Variants in DDX60 observed in about 807,000 individuals in gnomAD.
DDX60 encodes probable ATP-dependent RNA helicase DDX60.
DDX60 carries 165 observed loss-of-function variants against 212.8 expected under a neutral mutation model. The ratio of observed to expected loss-of-function variants is 0.78; its 90% confidence interval spans 0.68 to 0.88. The LOEUF (loss-of-function observed/expected upper bound fraction) is 0.88, where lower values mean the gene tolerates loss of function less well. DDX60 is among the 40% of genes least tolerant of loss of function. DDX60 has a pLI of 0.00. For missense variants in DDX60, 1,905 were observed against 2,003.9 expected (o/e 0.95, Z 0.94); for synonymous variants, 703 against 685.3 (o/e 1.03, Z -0.40).
chr4:168,292,694 G>C (rs538558011), intron 7 of DDX60, among the ~76,000 whole-genome samples: 2 of 152,302 alleles, frequency 1.3e-5, no homozygotes, highest in Non-Finnish European at 2.9e-5. Context: ...CACGGGTAAA[G>C]AAGTGGACAC....
intron 22 of DDX60, among the ~76,000 whole-genome samples, 173 bp downstream of exon 22, chr4:168,267,409 A>G (rs1020868507): frequency 2.0e-5 from 3 of 152,216 alleles, no homozygotes; most frequent in Non-Finnish European, 2.9e-5. Context: ...AGAACCAATG[A>G]GAATTAGAAA....
intron 35 of DDX60, among the ~76,000 whole-genome samples, chr4:168,222,939 T>C (rs1045089322): frequency 4.6e-5 from 7 of 151,950 alleles, no homozygotes; most frequent in African/African-American, 1.7e-4. Flanking sequence ...GTACTAAAAA[T>C]AAAAGAGAGT....
intron 37 of DDX60, among the ~76,000 whole-genome samples, chr4:168,217,664 T>C (rs1215179806): frequency 6.6e-6 from 1 of 152,070 alleles, no homozygotes; most frequent in Non-Finnish European, 1.5e-5. Flanking sequence ...GCAGGTTCAG[T>C]GTGATCTCAA....
At chr4:168,225,445 C>T (rs1478670995) in intron 34 of DDX60, 84 bp downstream of exon 34, 16 of 1,351,692 alleles carry the variant, frequency 1.2e-5, no homozygotes, top group Non-Finnish European at 1.6e-5. Flanking sequence ...TTCTGGGGTT[C>T]CACTCTTCTT....
chr4:168,284,659 A>C (rs1177227435), intron 12 of DDX60, among the ~76,000 whole-genome samples, 161 bp downstream of exon 12: 3 of 152,170 alleles, frequency 2.0e-5, no homozygotes, highest in African/African-American at 4.8e-5. Context: ...AGAGAGAGAG[A>C]ATTTTTCATT....
chr4:168,284,146 A>T (rs538561209), intron 12 of DDX60, among the ~76,000 whole-genome samples: 19 of 152,296 alleles, frequency 1.2e-4, no homozygotes, highest in African/African-American at 4.6e-4. Flanking sequence ...TAATTTTTCT[A>T]TGTCTGTAAC....
intron 30 of DDX60, 135 bp downstream of exon 30, chr4:168,246,283 T>A: frequency 7.9e-6 from 8 of 1,016,038 alleles, no homozygotes; most frequent in Non-Finnish European, 1.0e-5. Flanking sequence ...TTCTATACGA[T>A]TCAAGACATT....
chr4:168,230,417 T>C (rs1241746262), intron 33 of DDX60, among the ~76,000 whole-genome samples: 2 of 152,120 alleles, frequency 1.3e-5, no homozygotes, highest in East Asian at 3.9e-4. Context: ...ATATACATTC[T>C]ATTCATCAGC....
rs989448 is a variant in DDX60 at position 168,281,521 on chromosome 4, T to C, written c.1723-931A>G. Among the ~76,000 whole-genome samples the C allele has an allele frequency of 1.5e-3, 235 of 152,306 alleles. 7 individuals carry two copies. The East Asian group carries it at 0.035, about 23-fold the overall frequency. ...TAGTCCATAATGTTTGATGAGTGAA[T>C]AAGGAAAGAGGAAGAAGAGGAGTAG... On this transcript the variant is annotated intron_variant, in intron 13 of 37. Coordinates refer to ENST00000393743, the MANE Select transcript of DDX60 (RefSeq NM_017631.6).
intron 29 of DDX60, 74 bp from the exon 30 acceptor site, chr4:168,246,692 T>G: frequency 6.7e-7 from 1 of 1,488,542 alleles, no homozygotes; most frequent in Non-Finnish European, 9.3e-7. Flanking sequence ...AATGAGCCCT[T>G]TACTCTGGTT....
chr4:168,312,410 T>A (rs1315208867), intron 1 of DDX60, among the ~76,000 whole-genome samples: 1 of 152,074 alleles, frequency 6.6e-6, no homozygotes, highest in African/African-American at 2.4e-5. Flanking sequence ...TAACGGTAAA[T>A]GAGGCCATTG....
chr4:168,227,351 A>G (rs1377145647), intron 33 of DDX60, among the ~76,000 whole-genome samples: 1 of 152,030 alleles, frequency 6.6e-6, no homozygotes, highest in Non-Finnish European at 1.5e-5. Flanking sequence ...ACGTTGCTAT[A>G]AAGTCATTCA....
chr4:168,220,690 C>T lies in DDX60; in HGVS notation c.5004G>A (p.Leu1668=), dbSNP rs1733022040. The change falls in exon 37 of 38, where the codon TTG becomes TTA. Residue 1668 remains leucine, a synonymous_variant. Coordinates refer to ENST00000393743, the MANE Select transcript of DDX60 (RefSeq NM_017631.6). Reference sequence around the variant, plus strand: ...TAATGGTGAGTGCAAAATCCTTCAACAAATAATAAGCATCTCCTTCATTCA... The same window carrying T: ...TAATGGTGAGTGCAAAATCCTTCAATAAATAATAAGCATCTCCTTCATTCA... The part of the protein sequence containing the change: ...NRMNEGDAYY[L]LKDFALTIKS... The T allele has an allele frequency of 2.8e-6, 4 of 1,452,292 alleles. No individual in the cohort carries two copies. The highest frequency in any genetic ancestry group is 3.6e-6 in the Non-Finnish European group (4 of 1,098,330). The allele number at this position is 1,452,292 out of a possible 1,614,324, so 90.0% of individuals were successfully genotyped here.
At chr4:168,323,871 C>T (rs1737651299), upstream of DDX60, among the ~76,000 whole-genome samples, 1 of 152,190 alleles carries the variant, frequency 6.6e-6, no homozygotes, top group African/African-American at 2.4e-5. Flanking sequence ...AGTGCTGATG[C>T]TTGGGTTCCA....
chr4:168,285,885 A>G (rs1255097472), intron 10 of DDX60, among the ~76,000 whole-genome samples: 8 of 131,528 alleles, frequency 6.1e-5, no homozygotes, highest in Non-Finnish European at 9.4e-5. Context: ...AGAAGAAAGG[A>G]AGGAGGGAAG....
At chr4:168,299,713 T>A (rs898803718) in intron 6 of DDX60, among the ~76,000 whole-genome samples, 1 of 152,136 alleles carries the variant, frequency 6.6e-6, no homozygotes, top group Non-Finnish European at 1.5e-5. Context: ...AATAGATAAT[T>A]TTCACAGAAG....
intron 17 of DDX60, 151 bp from the exon 18 acceptor site, chr4:168,273,549 ATATTCT>A: frequency 2.4e-6 from 2 of 841,940 alleles, no homozygotes; most frequent in Non-Finnish European, 3.6e-6. Context: ...ACACACTAAC[ATATTCT>A]CTTTGAGATA....
chr4:168,234,823 T>C (rs1733576245), intron 33 of DDX60, among the ~76,000 whole-genome samples: 1 of 152,080 alleles, frequency 6.6e-6, no homozygotes, highest in Admixed American at 6.6e-5. Flanking sequence ...ATTTTCGTGT[T>C]TGGCCAAGAG....
intron 31 of DDX60, 42 bp downstream of exon 31, chr4:168,237,649 T>C (rs1408023393): frequency 8.0e-6 from 12 of 1,492,106 alleles, no homozygotes; most frequent in Non-Finnish European, 1.1e-5. Flanking sequence ...ATCTAGATAG[T>C]AGTAATGCTA....
Sources: allele counts gnomAD v4.1 joint callset (sites outside exome capture counted in the v4.1 genomes callset), GRCh38; gene constraint gnomAD v4.1.1; transcripts MANE v1.5; gene names NCBI Gene and HGNC (gene_info 2026-07-23, HGNC 2026-07-21).